The following EDIL3 variants were observed in gnomAD, a reference collection of about 807,000 sequenced individuals.
EDIL3 encodes EGF-like repeat and discoidin I-like domain-containing protein 3.
A neutral mutation model predicts 67.4 loss-of-function variants in EDIL3; 37 were observed. The observed-to-expected ratio is 0.55, with a 90% CI of 0.42 to 0.72. EDIL3 has a LOEUF of 0.72. Among genes scored for constraint, EDIL3 ranks in the 30% least tolerant of loss-of-function variants. The probability of loss-of-function intolerance (pLI) is 0.00; values close to 1 mark genes in which losing one functional copy is unlikely to be tolerated. For synonymous variants in EDIL3, 195 were observed against 196.3 expected (o/e 0.99, Z 0.05); for missense variants, 527 against 586.3 (o/e 0.90, Z 1.04).
intron 10 of EDIL3, 102 bp from the exon 11 acceptor site, chr5:83,943,670 T>C (rs1561380957): frequency 7.5e-7 from 1 of 1,340,684 alleles, no homozygotes; most frequent in Non-Finnish European, 1.0e-6. Flanking sequence ...TGATATTTGA[T>C]AACTATTCAT....
intron 8 of EDIL3, among the ~76,000 whole-genome samples, chr5:84,063,200 T>G (rs1038611658): frequency 6.6e-6 from 1 of 152,008 alleles, no homozygotes; most frequent in Non-Finnish European, 1.5e-5. Flanking sequence ...TTGTGGAAGG[T>G]GATGTTAAGC....
At chr5:84,028,436 A>T (rs1745856462) in intron 9 of EDIL3, among the ~76,000 whole-genome samples, 1 of 152,186 alleles carries the variant, frequency 6.6e-6, no homozygotes, top group African/African-American at 2.4e-5. Flanking sequence ...TTAGAATCAG[A>T]CATGTAAACT....
At chr5:84,068,915 T>C (rs779053021) in intron 6 of EDIL3, among the ~76,000 whole-genome samples, 2 of 152,128 alleles carry the variant, frequency 1.3e-5, no homozygotes, top group African/African-American at 2.4e-5. Context: ...AGGAAATATA[T>C]AGTATGATTT....
chr5:84,022,994 C>A (rs1293500743), intron 9 of EDIL3, among the ~76,000 whole-genome samples: 2 of 151,748 alleles, frequency 1.3e-5, no homozygotes, highest in African/African-American at 4.8e-5. Context: ...ATGCTTGTAA[C>A]AAATACAAGT....
rs143487679 is a variant in EDIL3 at position 84,259,379 on chromosome 5, T to C, written c.68-5167A>G. Among the ~76,000 whole-genome samples, 763 of 152,340 alleles carry C rather than the reference T, an allele frequency of 5.0e-3. 4 individuals are homozygous for C. Among genetic ancestry groups the C allele is most frequent in the African/African-American group, 0.017 (691 of 41,582 alleles). The stretch of plus-strand genomic sequence containing the variant: ...CTACTGTCAGCAGGCTCCTAAAATA[T>C]ACTTCTGCATATTGTAATGTGTGTA... On this transcript the variant is annotated intron_variant, in intron 1 of 10. Coordinates refer to ENST00000296591, the MANE Select transcript of EDIL3 (RefSeq NM_005711.5).
chr5:84,051,205 T>C (rs1360681879), intron 9 of EDIL3, among the ~76,000 whole-genome samples: 1 of 152,066 alleles, frequency 6.6e-6, no homozygotes, highest in Non-Finnish European at 1.5e-5. Context: ...GCAAACAGGG[T>C]CTGGAGCAGA....
chr5:84,374,886 T>C (rs1747934380), intron 1 of EDIL3, among the ~76,000 whole-genome samples: 1 of 152,192 alleles, frequency 6.6e-6, no homozygotes, highest in South Asian at 2.1e-4. Context: ...TGTAAATTCC[T>C]GAGGCCTCTC....
intron 3 of EDIL3, among the ~76,000 whole-genome samples, chr5:84,209,204 A>C (rs1744059667): frequency 6.6e-6 from 1 of 151,108 alleles, no homozygotes; most frequent in South Asian, 2.1e-4. Flanking sequence ...GAAGGGGAAC[A>C]TCACACTCTG....
intron 1 of EDIL3, among the ~76,000 whole-genome samples, chr5:84,303,808 C>CTG (rs199605264): frequency 0.093 from 12,570 of 134,970 alleles, 432 homozygotes; most frequent in East Asian, 0.18. Flanking sequence ...CTCTCTCTCT[C>CTG]TGTGTGTGTG....
rs868450140 is a variant in EDIL3 at position 84,260,757 on chromosome 5, A to C, written c.68-6545T>G. Among the ~76,000 whole-genome samples, 5 of 152,284 alleles carry C rather than the reference A, an allele frequency of 3.3e-5. No homozygotes were observed. In the South Asian group the frequency reaches 6.2e-4, roughly 19 times the overall value. The stretch of plus-strand genomic sequence containing the variant: ...TTTCAAAGTGCTGGCAGCCACCTAG[A>C]ATATGTCTGCACCATCATCCCTGCC... On this transcript the variant is annotated intron_variant, in intron 1 of 10. Coordinates refer to ENST00000296591, the MANE Select transcript of EDIL3 (RefSeq NM_005711.5).
At chr5:84,116,621 T>C (rs1327019800) in intron 5 of EDIL3, among the ~76,000 whole-genome samples, 1 of 152,196 alleles carries the variant, frequency 6.6e-6, no homozygotes, top group Non-Finnish European at 1.5e-5. Context: ...TGATAATATG[T>C]ATTTACTAAT....
intron 4 of EDIL3, among the ~76,000 whole-genome samples, chr5:84,176,720 T>C (rs539092719): frequency 6.8e-6 from 1 of 146,896 alleles, no homozygotes; most frequent in African/African-American, 2.5e-5. Flanking sequence ...CATTCTATAA[T>C]TTACACACAC....
At chr5:84,198,088 T>C (rs1458948950) in intron 3 of EDIL3, among the ~76,000 whole-genome samples, 2 of 152,002 alleles carry the variant, frequency 1.3e-5, no homozygotes, top group African/African-American at 4.8e-5. Flanking sequence ...AGAGGACTTG[T>C]AGATAGTGTT....
intron 3 of EDIL3, among the ~76,000 whole-genome samples, chr5:84,209,561 A>G (rs926631285): frequency 6.6e-6 from 1 of 152,124 alleles, no homozygotes; most frequent in South Asian, 2.1e-4. Flanking sequence ...TTTCTGCTGT[A>G]TATCCTGGTT....
chr5:84,345,451 T>C (rs1178560732), intron 1 of EDIL3, among the ~76,000 whole-genome samples: 2 of 152,166 alleles, frequency 1.3e-5, no homozygotes, highest in Non-Finnish European at 2.9e-5. Flanking sequence ...TAGGTTGAAT[T>C]TAAGAATTGA....
At chr5:84,091,060 C>G (rs887945685) in intron 6 of EDIL3, among the ~76,000 whole-genome samples, 2 of 152,134 alleles carry the variant, frequency 1.3e-5, no homozygotes, top group African/African-American at 4.8e-5. Context: ...ACAGTGTCCA[C>G]TGCTCCCCCT....
At chr5:84,180,693 G>A (rs1580364266) in intron 3 of EDIL3, among the ~76,000 whole-genome samples, 172 bp from the exon 4 acceptor site, 1 of 152,244 alleles carries the variant, frequency 6.6e-6, no homozygotes, top group Middle Eastern at 3.4e-3. Context: ...TTGAATCTTG[G>A]TTTCACCACT....
intron 4 of EDIL3, among the ~76,000 whole-genome samples, chr5:84,157,115 C>T (rs879684607): frequency 6.6e-6 from 1 of 151,576 alleles, no homozygotes; most frequent in African/African-American, 2.4e-5. Context: ...GTTTTTTTAC[C>T]ATTTTTTTCT....
intron 1 of EDIL3, among the ~76,000 whole-genome samples, chr5:84,356,919 C>A (rs1165703471): frequency 3.9e-5 from 1 of 25,948 alleles, no homozygotes; most frequent in Non-Finnish European, 7.9e-5. Context: ...TTTTTTTGGT[C>A]TCTCTCTCTC....
Sources: gnomAD v4.1 joint callset for allele counts (sites outside exome capture counted in the v4.1 genomes callset) on GRCh38, gnomAD v4.1.1 for gene constraint, MANE v1.5 for transcripts, NCBI Gene and HGNC (gene_info 2026-07-23, HGNC 2026-07-21) for gene names.